CLEC2A: variants seen among roughly 807,000 people sequenced by gnomAD.
CLEC2A encodes C-type lectin domain family 2 member A.
Under a neutral mutation model 18.6 loss-of-function variants are expected in CLEC2A, and 19 were observed. The ratio of observed to expected loss-of-function variants is 1.02; its 90% confidence interval spans 0.71 to 1.50. The LOEUF is 1.50. Ranked by LOEUF, CLEC2A falls within the 40% of genes most tolerant of loss-of-function variation. CLEC2A has a pLI of 0.00. For synonymous variants in CLEC2A, 74 were observed against 64.0 expected, an observed-to-expected ratio of 1.16 and a Z score of -0.75; for missense variants, 190 against 207.9, an observed-to-expected ratio of 0.91 and a Z score of 0.53.
intron 1 of CLEC2A, among the ~76,000 whole-genome samples, chr12:9,928,550 G>A (rs1470746544): frequency 1.3e-5 from 2 of 152,082 alleles, no homozygotes; most frequent in African/African-American, 4.8e-5. Flanking sequence ...ACACTGTTGT[G>A]AATATAAATA....
chr12:9,901,977 C>G (rs1013981569), intron 4 of CLEC2A, among the ~76,000 whole-genome samples: 3 of 152,166 alleles, frequency 2.0e-5, no homozygotes, highest in Admixed American at 6.5e-5. Flanking sequence ...TTAATTTTCA[C>G]AATTCTTCCA....
the CLEC2A span, among the ~76,000 whole-genome samples, chr12:9,891,600 T>G: frequency 6.6e-6 from 1 of 152,226 alleles, no homozygotes; most frequent in African/African-American, 2.4e-5. Context: ...AGAGGTCATT[T>G]TATACCTTTT....
In CLEC2A at chr12:9,916,786, G is replaced by C; in HGVS notation, c.324C>G (p.Tyr108Ter). Residue 108 changes from tyrosine (Y) to a stop codon, truncating the protein, a stop_gained, in exon 4 of 5, where the codon TAC becomes TAG. Coordinates refer to ENST00000455827, the MANE Select transcript of CLEC2A (RefSeq NM_001130711.2). LOFTEE classifies it high-confidence loss of function. ...TQEDMEFLKR[Y>*]AGTDMHWIGL... ...CAATCCAGTGCATATCAGTTCCTGC[G>C]TACCTCTTCAAAAATTCCTTTCACA... 1 of 1,550,192 alleles carries C rather than the reference G, an allele frequency of 6.5e-7. No homozygotes were observed. Among genetic ancestry groups the C allele is most frequent in the Non-Finnish European group, 8.7e-7 (1 of 1,145,730 alleles).
chr12:9,882,740 C>T, the CLEC2A span, among the ~76,000 whole-genome samples: 591 of 152,242 alleles, frequency 3.9e-3, 5 homozygotes, highest in African/African-American at 0.014. Context: ...GAGATCATGC[C>T]ACTGCACTCC....
chr12:9,917,162 C>T (rs368329061), intron 3 of CLEC2A, among the ~76,000 whole-genome samples: 1 of 152,102 alleles, frequency 6.6e-6, no homozygotes, highest in Non-Finnish European at 1.5e-5. Flanking sequence ...TGGCTTTAGT[C>T]ACTGCTCTAT....
the CLEC2A span, among the ~76,000 whole-genome samples, chr12:9,879,106 G>A: frequency 2.0e-5 from 3 of 151,764 alleles, no homozygotes; most frequent in South Asian, 4.2e-4. Flanking sequence ...TTCATCCACA[G>A]AAATCTGTGA....
the CLEC2A span, among the ~76,000 whole-genome samples, chr12:9,880,860 A>G: frequency 1.3e-5 from 2 of 152,164 alleles, no homozygotes; most frequent in Admixed American, 6.5e-5. Flanking sequence ...TATGAATCCC[A>G]TCCAAAAACA....
chr12:9,911,937 G>C (rs1053066368), downstream of CLEC2A, among the ~76,000 whole-genome samples: 6 of 152,146 alleles, frequency 3.9e-5, no homozygotes, highest in Non-Finnish European at 8.8e-5. Flanking sequence ...ATGGAGGCCT[G>C]CAACACAAAC....
intron 4 of CLEC2A, among the ~76,000 whole-genome samples, chr12:9,900,957 T>C (rs528331497): frequency 6.6e-6 from 1 of 152,294 alleles, no homozygotes; most frequent in African/African-American, 2.4e-5. Flanking sequence ...CACAGATAGT[T>C]TCCAAATTCT....
the CLEC2A span, among the ~76,000 whole-genome samples, chr12:9,888,261 C>T: frequency 8.6e-5 from 13 of 151,614 alleles, no homozygotes; most frequent in Non-Finnish European, 1.3e-4. Flanking sequence ...GAAGCCGAGG[C>T]GGGCGGATCA....
At chr12:9,904,960 G>A (rs1862886399) in intron 4 of CLEC2A, among the ~76,000 whole-genome samples, 1 of 152,120 alleles carries the variant, frequency 6.6e-6, no homozygotes, top group East Asian at 1.9e-4. Context: ...ACTCAATACG[G>A]TATGGACATA....
At chr12:9,880,905 A>G in the CLEC2A span, among the ~76,000 whole-genome samples, 910 of 152,344 alleles carry the variant, frequency 6.0e-3, 12 homozygotes, top group African/African-American at 0.021. Context: ...TGTCTGATCA[A>G]CTATCTGGAC....
At chr12:9,907,714 A>G (rs1385424011) in intron 4 of CLEC2A, among the ~76,000 whole-genome samples, 3 of 152,116 alleles carry the variant, frequency 2.0e-5, no homozygotes, top group African/African-American at 4.8e-5. Context: ...TTATTCTGAA[A>G]CCTGTTCTAA....
At chr12:9,896,461 A>C (rs1257929427), downstream of CLEC2A, among the ~76,000 whole-genome samples, 1 of 152,200 alleles carries the variant, frequency 6.6e-6, no homozygotes, top group Non-Finnish European at 1.5e-5. Context: ...CAAAACAAAA[A>C]AAAAAAGCAA....
chr12:9,895,645 T>C, downstream of CLEC2A: 1 of 1,474,830 alleles, frequency 6.8e-7, no homozygotes. Flanking sequence ...GATACTATTA[T>C]CATTTTAAGA....
chr12:9,902,261 T>C (rs1440803693), intron 4 of CLEC2A, among the ~76,000 whole-genome samples: 5 of 148,740 alleles, frequency 3.4e-5, no homozygotes, highest in Non-Finnish European at 5.9e-5. Flanking sequence ...TGAGATTTAG[T>C]CTTACTCTGT....
downstream of CLEC2A, among the ~76,000 whole-genome samples, chr12:9,908,795 G>T (rs562526194): frequency 5.4e-4 from 82 of 152,222 alleles, no homozygotes; most frequent in African/African-American, 1.6e-3. Flanking sequence ...ATAGGGTCTG[G>T]CAAATGAGGT....
Position 9,922,083 on chromosome 12 carries a change from C to A in CLEC2A, c.289G>T (p.Asp97Tyr). The A allele has an allele frequency of 6.5e-7, 1 of 1,546,494 alleles. No homozygotes were observed. Among genetic ancestry groups the A allele is most frequent in the South Asian group, 1.2e-5 (1 of 82,662 alleles). ...TTTCTTACCATGTCTTCTTGTGTAT[C>A]AATCTGAGCAAGTTCTGCTTTCTGC... ...SLQKAELAQI[D>Y]TQEDMEFLKR... is the part of the protein sequence containing the mutation. Residue 97 changes from aspartate to tyrosine, a missense_variant, in exon 3 of 5, where the codon GAT becomes TAT. By Grantham distance (160) the Asp-to-Tyr change is radical. Transcript: ENST00000455827.
At chr12:9,926,425 A>G in intron 1 of CLEC2A, 82 bp from the exon 2 acceptor site, 1 of 847,788 alleles carries the variant, frequency 1.2e-6, no homozygotes, top group Non-Finnish European at 1.9e-6. Context: ...CCTCTCCTAT[A>G]ATTGTTAATC....
Sources: allele counts gnomAD v4.1 joint callset (sites outside exome capture counted in the v4.1 genomes callset), GRCh38; gene constraint gnomAD v4.1.1; transcripts MANE v1.5; gene names NCBI Gene and HGNC (gene_info 2026-07-23, HGNC 2026-07-21).